CDH13: variants seen among roughly 807,000 people sequenced by gnomAD.
CDH13 encodes cadherin 13, also known as cadherin-13.
CDH13 carries 24 observed loss-of-function variants against 63.8 expected under a neutral mutation model. That is an observed-to-expected ratio of 0.38 (90% CI 0.27 to 0.53). CDH13 has a LOEUF of 0.53. CDH13 is among the 20% of genes least tolerant of loss of function. CDH13 has a pLI of 0.85. For synonymous variants in CDH13, 503 were observed against 355.3 expected, an observed-to-expected ratio of 1.42 and a Z score of -4.67; for missense variants, 1,049 against 903.1, an observed-to-expected ratio of 1.16 and a Z score of -2.07.
intron 10 of CDH13, among the ~76,000 whole-genome samples, chr16:83,691,200 A>G (rs1475640903): frequency 6.6e-6 from 1 of 151,996 alleles, no homozygotes; most frequent in Non-Finnish European, 1.5e-5. Flanking sequence ...CACATCTCTG[A>G]GCTTTGCAAG....
At position 83,036,436 on chromosome 16, in the gene CDH13, C is replaced by T. The variant is rs1003452251; in HGVS notation, c.366+4218C>T. Among the ~76,000 whole-genome samples the T allele has an allele frequency of 1.1e-4, 16 of 152,178 alleles. 1 individual carries two copies. Among genetic ancestry groups the T allele is most frequent in the South Asian group, 4.2e-4 (2 of 4,812 alleles). Reference sequence around the variant, plus strand: ...AAGTGCTGGGATTATAGGTGTGAGCCGCAGTGCCCAACCTGGAGCTCTCTG... The same window carrying T: ...AAGTGCTGGGATTATAGGTGTGAGCTGCAGTGCCCAACCTGGAGCTCTCTG... On this transcript the variant is annotated intron_variant, in intron 3 of 13. Transcript: ENST00000567109.
At chr16:83,655,761 C>T (rs764375826) in intron 8 of CDH13, among the ~76,000 whole-genome samples, 1 of 152,168 alleles carries the variant, frequency 6.6e-6, no homozygotes, top group Admixed American at 6.5e-5. Flanking sequence ...TGGCATGTAG[C>T]AGGTGTTCAG....
intron 6 of CDH13, among the ~76,000 whole-genome samples, chr16:83,468,677 T>A (rs1438135524): frequency 6.6e-6 from 1 of 152,194 alleles, no homozygotes; most frequent in African/African-American, 2.4e-5. Flanking sequence ...CCTCTCCCTT[T>A]CTGTCTCTTT....
intron 7 of CDH13, among the ~76,000 whole-genome samples, chr16:83,510,238 A>G (rs1308641838): frequency 2.0e-5 from 3 of 152,164 alleles, no homozygotes; most frequent in Admixed American, 6.5e-5. Context: ...ATTAGAAGTG[A>G]TAGTTGGATG....
intron 4 of CDH13, among the ~76,000 whole-genome samples, chr16:83,190,341 G>A (rs778726210): frequency 6.6e-6 from 1 of 152,226 alleles, no homozygotes; most frequent in African/African-American, 2.4e-5. Context: ...TGGAAAGCCT[G>A]CTGGGTAAAC....
At chr16:82,888,464 C>T (rs1213154468) in intron 2 of CDH13, among the ~76,000 whole-genome samples, 1 of 152,190 alleles carries the variant, frequency 6.6e-6, no homozygotes, top group African/African-American at 2.4e-5. Flanking sequence ...AGGGCAAATG[C>T]CCCAGTGCTC....
intron 3 of CDH13, among the ~76,000 whole-genome samples, chr16:83,059,777 G>GTTTTTTTTTTGT (rs2031333424): frequency 9.4e-6 from 1 of 105,940 alleles, no homozygotes; most frequent in African/African-American, 3.4e-5. Context: ...TTTTGCCTTT[G>GTTTTTTTTTTGT]TTTTTTTTTT....
chr16:83,372,749 T>TCAAAAAAAAAAA (rs1555537364), intron 6 of CDH13, among the ~76,000 whole-genome samples: 1 of 95,574 alleles, frequency 1.0e-5, no homozygotes, highest in African/African-American at 4.2e-5. Flanking sequence ...AGACTCGGTC[T>TCAAAAAAAAAAA]AAAAAAAAAA....
rs557234142 is a variant in CDH13, at chr16:83,122,598, G to A, written c.367-2787G>A. 4.1e-4 allele frequency among the ~76,000 whole-genome samples: 63 copies of A among 152,200 alleles called. 1 individual carries two copies. Among genetic ancestry groups the A allele is most frequent in the African/African-American group, 1.4e-3 (59 of 41,530 alleles). ...TCTCCATAATGCCTGACATAGTTTG[G>A]GACTTTGTGATTGTCCCTTTATCCC... On this transcript the variant is annotated intron_variant, in intron 3 of 13. Coordinates refer to ENST00000567109, the MANE Select transcript of CDH13 (RefSeq NM_001257.5).
chr16:82,968,839 G>T (rs947194511), intron 2 of CDH13, among the ~76,000 whole-genome samples: 2 of 152,146 alleles, frequency 1.3e-5, no homozygotes, highest in East Asian at 3.9e-4. Context: ...TAATAATAAG[G>T]CTGGGTGTAG....
chr16:83,780,784 C>G (rs1054563402), intron 12 of CDH13, among the ~76,000 whole-genome samples: 1 of 152,204 alleles, frequency 6.6e-6, no homozygotes, highest in African/African-American at 2.4e-5. Flanking sequence ...TGCCCAGTCT[C>G]AGACCTTGAA....
At chr16:82,792,859 G>A (rs888150791) in intron 1 of CDH13, among the ~76,000 whole-genome samples, 1 of 152,220 alleles carries the variant, frequency 6.6e-6, no homozygotes, top group Non-Finnish European at 1.5e-5. Flanking sequence ...AGTGCCAAGC[G>A]CTAATTGATT....
At chr16:82,726,837 A>G (rs1222310642) in intron 1 of CDH13, among the ~76,000 whole-genome samples, 1 of 152,200 alleles carries the variant, frequency 6.6e-6, no homozygotes, top group African/African-American at 2.4e-5. Context: ...TCATGAGGAA[A>G]ATAGTATTAA....
At chr16:83,755,799 C>G (rs1913463459) in intron 11 of CDH13, among the ~76,000 whole-genome samples, 1 of 148,876 alleles carries the variant, frequency 6.7e-6, no homozygotes, top group Non-Finnish European at 1.5e-5. Context: ...ATGCCTTTTA[C>G]TGAAGAGAAT....
intron 7 of CDH13, among the ~76,000 whole-genome samples, chr16:83,542,623 C>T (rs1458975890): frequency 1.3e-5 from 2 of 152,220 alleles, no homozygotes; most frequent in Admixed American, 6.5e-5. Context: ...CATGCTCTGG[C>T]AGCTAGTCCA....
chr16:82,967,202 C>G (rs1165108971), intron 2 of CDH13, among the ~76,000 whole-genome samples: 2 of 152,108 alleles, frequency 1.3e-5, no homozygotes. Flanking sequence ...CCTAAATAAT[C>G]TCTGCCACCC....
chr16:83,690,683 C>T (rs1480229981), intron 10 of CDH13, among the ~76,000 whole-genome samples: 1 of 152,110 alleles, frequency 6.6e-6, no homozygotes, highest in African/African-American at 2.4e-5. Flanking sequence ...GGGATGGTTG[C>T]AGTGCAGGCA....
chr16:83,099,244 T>C (rs2034355321), intron 3 of CDH13, among the ~76,000 whole-genome samples: 1 of 152,222 alleles, frequency 6.6e-6, no homozygotes, highest in South Asian at 2.1e-4. Context: ...GCTCTTTAAA[T>C]GTTAACTATT....
chr16:82,896,094 C>T (rs892565125), intron 2 of CDH13, among the ~76,000 whole-genome samples: 5 of 152,074 alleles, frequency 3.3e-5, no homozygotes, highest in Non-Finnish European at 7.4e-5. Context: ...TAATATTTCA[C>T]AACCTGACAT....
Sources: gnomAD v4.1 joint callset for allele counts (sites outside exome capture counted in the v4.1 genomes callset) on GRCh38, gnomAD v4.1.1 for gene constraint, MANE v1.5 for transcripts, NCBI Gene and HGNC (gene_info 2026-07-23, HGNC 2026-07-21) for gene names.